The following PGM1 variants were observed in gnomAD, a reference collection of about 807,000 sequenced individuals.
PGM1 encodes phosphoglucomutase-1.
In PGM1, 52 loss-of-function variants were observed where a neutral mutation model predicts 55.6. The observed-to-expected ratio is 0.94, with a 90% CI of 0.75 to 1.18. PGM1 has a LOEUF of 1.18. Among genes scored for constraint, PGM1 ranks in the 50% most tolerant of loss-of-function variants. The probability of loss-of-function intolerance (pLI) is 0.00; values close to 1 mark genes in which losing one functional copy is unlikely to be tolerated. For synonymous variants in PGM1, 287 were observed against 271.7 expected, an observed-to-expected ratio of 1.06 and a Z score of -0.55; for missense variants, 724 against 729.3, an observed-to-expected ratio of 0.99 and a Z score of 0.08.
Position 63,634,984 on chromosome 1 carries a change from G to C in PGM1, c.838G>C (p.Glu280Gln), listed in dbSNP as rs762323296. The C allele has an allele frequency of 6.8e-6, 11 of 1,613,924 alleles. No homozygotes were observed. The Admixed American group carries it at 1.8e-4, about 27-fold the overall frequency. The part of the protein sequence containing the change: ...ADLVETMKSG[E>Q]HDFGAAFDGD... ...CCTGGTGGAGACCATGAAGTCAGGA[G>C]AGCATGATTTTGGGGCTGCCTTTGA... Residue 280 changes from glutamate to glutamine, a missense_variant, in exon 5 of 11, where the codon GAG becomes CAG. Glu to Gln is a conservative substitution (Grantham distance 29, BLOSUM62 2). This residue lies in a region of PGM1 where 379 missense variants were observed against 357.5 expected (regional missense o/e 1.06). Coordinates refer to ENST00000371084, the MANE Select transcript of PGM1 (RefSeq NM_002633.3).
intron 1 of PGM1, among the ~76,000 whole-genome samples, chr1:63,609,198 T>C (rs1006761382): frequency 6.6e-6 from 1 of 152,182 alleles, no homozygotes; most frequent in African/African-American, 2.4e-5. Context: ...CAATCTGAGA[T>C]CTTCACCTGT....
At chr1:63,623,817 CA>C in intron 1 of PGM1, 1 of 1,211,166 alleles carries the variant, frequency 8.3e-7, no homozygotes, top group Non-Finnish European at 1.2e-6. Flanking sequence ...CTTAATTTTA[CA>C]GAAGTATACA....
At chr1:63,605,120 T>C (rs1038328878) in intron 1 of PGM1, among the ~76,000 whole-genome samples, 2 of 152,198 alleles carry the variant, frequency 1.3e-5, no homozygotes, top group Non-Finnish European at 2.9e-5. Flanking sequence ...GGAGGAACTC[T>C]ATCCACCTGC....
chr1:63,611,578 G>A (rs1314330318), intron 1 of PGM1, among the ~76,000 whole-genome samples: 1 of 152,098 alleles, frequency 6.6e-6, no homozygotes, highest in Admixed American at 6.5e-5. Context: ...CTGAGGGAAG[G>A]GAGGATTTTG....
intron 1 of PGM1, among the ~76,000 whole-genome samples, chr1:63,597,805 A>C (rs1425922070): frequency 1.3e-5 from 2 of 152,214 alleles, no homozygotes; most frequent in Non-Finnish European, 2.9e-5. Flanking sequence ...CATGTTTTGA[A>C]GGATGATTTA....
chr1:63,614,056 A>G (rs556448329), intron 1 of PGM1, among the ~76,000 whole-genome samples: 1 of 152,298 alleles, frequency 6.6e-6, no homozygotes, highest in African/African-American at 2.4e-5. Context: ...GGGAATAGTG[A>G]GAATACCTAC....
intron 1 of PGM1, chr1:63,594,239 C>A: frequency 1.6e-6 from 1 of 637,722 alleles, no homozygotes; most frequent in Non-Finnish European, 2.0e-6. Flanking sequence ...TGGCTCGGAG[C>A]CCGACACTGT....
chr1:63,656,950 G>A (rs560070531), intron 10 of PGM1, among the ~76,000 whole-genome samples: 5 of 152,090 alleles, frequency 3.3e-5, no homozygotes, highest in Non-Finnish European at 7.4e-5. Context: ...AAATGTACTA[G>A]GAGAATAGAT....
intron 1 of PGM1, among the ~76,000 whole-genome samples, chr1:63,604,465 G>A (rs962521358): frequency 1.3e-5 from 2 of 152,018 alleles, no homozygotes; most frequent in Non-Finnish European, 2.9e-5. Context: ...GAGAGATGGG[G>A]CAGAGTGTCT....
intron 1 of PGM1, among the ~76,000 whole-genome samples, chr1:63,622,723 T>C (rs967221685): frequency 2.0e-4 from 30 of 152,264 alleles, no homozygotes; most frequent in Non-Finnish European, 2.9e-5. Flanking sequence ...CTTCTAGAAC[T>C]GAACACTGTT....
chr1:63,599,972 A>G (rs1648190300), intron 1 of PGM1: 1 of 152,254 alleles, frequency 6.6e-6, no homozygotes, highest in Non-Finnish European at 1.5e-5. Flanking sequence ...ACATAGACAT[A>G]CAAAGAACAG....
intron 1 of PGM1, among the ~76,000 whole-genome samples, chr1:63,605,186 C>A (rs1648385217): frequency 6.6e-6 from 1 of 151,994 alleles, no homozygotes. Flanking sequence ...CCTAAAAGTC[C>A]TTTTGGGGCT....
chr1:63,621,209 G>A lies in PGM1; in HGVS notation c.247-8216G>A, dbSNP rs140797814. On this transcript the variant is annotated intron_variant, in intron 1 of 10. Transcript: ENST00000371084. ...ACAAACACCATGCCTGGCATGTGTCGTTGCTTAAAATGTTGCTCTCGTAAT... is the reference window on the plus strand; with the variant it reads ...ACAAACACCATGCCTGGCATGTGTCATTGCTTAAAATGTTGCTCTCGTAAT... Among the ~76,000 whole-genome samples, 214 of 152,018 alleles carry A rather than the reference G, an allele frequency of 1.4e-3. 2 individuals are homozygous for A. Among genetic ancestry groups the A allele is most frequent in the Admixed American group, 4.6e-3 (70 of 15,268 alleles).
intron 1 of PGM1, among the ~76,000 whole-genome samples, chr1:63,617,415 G>A (rs1165094184): frequency 2.6e-5 from 4 of 152,132 alleles, no homozygotes; most frequent in African/African-American, 4.8e-5. Context: ...GTCTCCTGCA[G>A]CCACAGGCAG....
intron 1 of PGM1, among the ~76,000 whole-genome samples, chr1:63,625,692 C>T (rs1319147007): frequency 6.6e-6 from 1 of 152,296 alleles, no homozygotes; most frequent in Middle Eastern, 3.4e-3. Flanking sequence ...CTTTTCAGCC[C>T]ACTGAGCTAA....
intron 5 of PGM1, among the ~76,000 whole-genome samples, chr1:63,635,615 T>A (rs1649342015): frequency 6.6e-6 from 1 of 152,208 alleles, no homozygotes; most frequent in South Asian, 2.1e-4. Context: ...CTGTATACAT[T>A]TACTTAGTTG....
At chr1:63,650,992 G>A (rs1406421155) in intron 8 of PGM1, among the ~76,000 whole-genome samples, 1 of 152,046 alleles carries the variant, frequency 6.6e-6, no homozygotes, top group Non-Finnish European at 1.5e-5. Flanking sequence ...GGGTTGATAG[G>A]TGCGGCAAAT....
At chr1:63,611,084 C>T (rs956425300) in intron 1 of PGM1, among the ~76,000 whole-genome samples, 5 of 152,130 alleles carry the variant, frequency 3.3e-5, no homozygotes, top group Non-Finnish European at 5.9e-5. Context: ...TAATACAGTG[C>T]TGTGTATTTG....
At chr1:63,600,696 G>A (rs745470477) in intron 1 of PGM1, among the ~76,000 whole-genome samples, 14 of 152,196 alleles carry the variant, frequency 9.2e-5, no homozygotes, top group Non-Finnish European at 1.9e-4. Context: ...GTGAAGGAGT[G>A]AGCCATGCAG....
Sources: gnomAD v4.1 joint callset for allele counts (sites outside exome capture counted in the v4.1 genomes callset) on GRCh38, gnomAD v4.1.1 for gene constraint, gnomAD v4.1.1 regional missense constraint, MANE v1.5 for transcripts, NCBI Gene and HGNC (gene_info 2026-07-23, HGNC 2026-07-21) for gene names.